Variants in OR10Z1 observed in about 807,000 individuals in gnomAD.
OR10Z1 encodes the protein olfactory receptor family 10 subfamily Z member 1.
For synonymous variants in OR10Z1, 187 were observed against 151.2 expected, an observed-to-expected ratio of 1.24 and a Z score of -1.74; for missense variants, 468 against 371.0, an observed-to-expected ratio of 1.26 and a Z score of -2.15.
rs1272963346 is a variant in OR10Z1, at chr1:158,611,898, G to C, written c.*4518G>C. The stretch of plus-strand genomic sequence containing the variant: ...TTTGATTACCAAGTGGATCCCTAAA[G>C]ACTCCAATAAGTTAGCGTGTGGGTG... On this transcript the variant is annotated 3_prime_UTR_variant, in exon 2 of 2. Coordinates refer to ENST00000641002, the MANE Select transcript of OR10Z1 (RefSeq NM_001004478.2). The C allele has an allele frequency of 6.2e-6, 1 of 161,138 alleles. No homozygotes were observed. Among genetic ancestry groups the C allele is most frequent in the Non-Finnish European group, 1.4e-5 (1 of 73,988 alleles). 10.0% of individuals were successfully genotyped at this position (161,138 alleles called of 1,614,324 possible). A position where few individuals can be genotyped will look rare whatever the true frequency, so the allele number is the denominator to read the frequency against.
Position 158,610,434 on chromosome 1 carries a change from C to G in OR10Z1, c.*3054C>G, listed in dbSNP as rs1649184857. The G allele has an allele frequency of 6.6e-6, 1 of 152,120 alleles. No individual in the cohort carries two copies. Among genetic ancestry groups the G allele is most frequent in the Non-Finnish European group, 1.5e-5 (1 of 68,028 alleles). 9.4% of individuals were successfully genotyped at this position (152,120 alleles called of 1,614,324 possible). ...AAAATTTTTGAAGATAGCATCACCT[C>G]TTCTTTTTTTAAAATTAATTCTTAA... On this transcript the variant is annotated 3_prime_UTR_variant, in exon 2 of 2. Transcript: ENST00000641002.
Position 158,611,287 on chromosome 1 carries a change from T to A in OR10Z1, c.*3907T>A, listed in dbSNP as rs376198878. ...TATTAGTTGCCAAAGTAGGAATTGG[T>A]GAAGCCAACGTAGTCATAGCCAGAG... On this transcript the variant is annotated 3_prime_UTR_variant, in exon 2 of 2. Transcript: ENST00000641002. 30 of 1,613,700 alleles carry A rather than the reference T, an allele frequency of 1.9e-5. No individual in the cohort carries two copies. Among genetic ancestry groups the A allele is most frequent in the Non-Finnish European group, 2.5e-5 (30 of 1,179,812 alleles).
rs1649226062 is a variant in OR10Z1 at position 158,611,116 on chromosome 1, T to C, written c.*3736T>C. On this transcript the variant is annotated 3_prime_UTR_variant, in exon 2 of 2. Coordinates refer to ENST00000641002, the MANE Select transcript of OR10Z1 (RefSeq NM_001004478.2). ...TTAAGATCCTACAATAAATGTAATA[T>C]GCACACAAACACAAGCACACACACA... 1 of 1,001,326 alleles carries C rather than the reference T, an allele frequency of 1.0e-6. No homozygotes were observed. Among genetic ancestry groups the C allele is most frequent in the Non-Finnish European group, 1.5e-6 (1 of 679,454 alleles). 62.0% of individuals were successfully genotyped at this position (1,001,326 alleles called of 1,614,324 possible). A position where few individuals can be genotyped will look rare whatever the true frequency, so the allele number is the denominator to read the frequency against.
At position 158,611,807 on chromosome 1, in the gene OR10Z1, G is replaced by C. The variant is rs1649276096; in HGVS notation, c.*4427G>C. 5.3e-6 allele frequency: 1 copy of C among 189,584 alleles called. No homozygotes were observed. Among genetic ancestry groups the C allele is most frequent in the African/African-American group, 2.5e-5 (1 of 40,152 alleles). 11.7% of individuals were successfully genotyped at this position (189,584 alleles called of 1,614,324 possible). On this transcript the variant is annotated 3_prime_UTR_variant, in exon 2 of 2. Coordinates refer to ENST00000641002, the MANE Select transcript of OR10Z1 (RefSeq NM_001004478.2). Reference sequence around the variant, plus strand: ...TCACCAGTGGTTACACTGCCAGAAAGTGGTAGAGCTGGGACTTGAACCTAT... The same window carrying C: ...TCACCAGTGGTTACACTGCCAGAAACTGGTAGAGCTGGGACTTGAACCTAT...
rs1051684300 is a variant in OR10Z1, at chr1:158,609,839, A to G, written c.*2459A>G. On this transcript the variant is annotated 3_prime_UTR_variant, in exon 2 of 2. Transcript: ENST00000641002. Reference sequence around the variant, plus strand: ...GATTTAGGCCTTGAAAATTTTTGGCAGGGTTAGCATTGGGGGAATGGAATC... The same window carrying G: ...GATTTAGGCCTTGAAAATTTTTGGCGGGGTTAGCATTGGGGGAATGGAATC... 5 of 152,128 alleles carry G rather than the reference A, an allele frequency of 3.3e-5. No homozygotes were observed. Among genetic ancestry groups the G allele is most frequent in the Admixed American group, 2.6e-4 (4 of 15,262 alleles). The allele number at this position is 152,128 out of a possible 1,614,324, so 9.4% of individuals were successfully genotyped here. A position where few individuals can be genotyped will look rare whatever the true frequency, so the allele number is the denominator to read the frequency against.
chr1:158,607,503 C>G lies in OR10Z1; in HGVS notation c.*123C>G. On this transcript the variant is annotated 3_prime_UTR_variant, in exon 2 of 2. Transcript: ENST00000641002. ...TCCTACCCCCAATCTTCTGGGAAAG[C>G]CTTATCCTGCCTCTTGCCCTTCCCC... The G allele has an allele frequency of 7.2e-6, 5 of 696,864 alleles. No homozygotes were observed. Among genetic ancestry groups the G allele is most frequent in the Non-Finnish European group, 1.2e-5 (5 of 418,188 alleles). The allele number at this position is 696,864 out of a possible 1,614,324, so 43.2% of individuals were successfully genotyped here.
Position 158,611,189 on chromosome 1 carries a change from T to G in OR10Z1, c.*3809T>G. On this transcript the variant is annotated 3_prime_UTR_variant, in exon 2 of 2. Coordinates refer to ENST00000641002, the MANE Select transcript of OR10Z1 (RefSeq NM_001004478.2). ...CACGAGGCCATCTTTATCTTCCACA[T>G]TTGCCTGTACTCTTTGCCCCCCAGT... 1 of 1,521,106 alleles carries G rather than the reference T, an allele frequency of 6.6e-7. No homozygotes were observed. The highest frequency in any genetic ancestry group is 2.4e-5 in the East Asian group (1 of 42,206). 94.2% of individuals were successfully genotyped at this position (1,521,106 alleles called of 1,614,324 possible).
chr1:158,610,721 T>C lies in OR10Z1; in HGVS notation c.*3341T>C, dbSNP rs1649198972. ...TATTCATGTTCCCCAGAAAATCAAATATCTTTATTTTCAAATTTAAATTTA... is the reference window on the plus strand; with the variant it reads ...TATTCATGTTCCCCAGAAAATCAAACATCTTTATTTTCAAATTTAAATTTA... On this transcript the variant is annotated 3_prime_UTR_variant, in exon 2 of 2. Coordinates refer to ENST00000641002, the MANE Select transcript of OR10Z1 (RefSeq NM_001004478.2). The C allele has an allele frequency of 6.5e-6, 1 of 152,706 alleles. No homozygotes were observed. Among genetic ancestry groups the C allele is most frequent in the African/African-American group, 2.4e-5 (1 of 41,450 alleles). 9.5% of individuals were successfully genotyped at this position (152,706 alleles called of 1,614,324 possible).
Position 158,611,617 on chromosome 1 carries a change from A to G in OR10Z1, c.*4237A>G, listed in dbSNP as rs1649267900. On this transcript the variant is annotated 3_prime_UTR_variant, in exon 2 of 2. Coordinates refer to ENST00000641002, the MANE Select transcript of OR10Z1 (RefSeq NM_001004478.2). ...AAAAGAGAGCTTACTCACTTTGATT[A>G]TTCTGTAAATCTCATTCCCTAAAGT... 4.3e-6 allele frequency: 2 copies of G among 460,698 alleles called. No individual in the cohort carries two copies. Among genetic ancestry groups the G allele is most frequent in the East Asian group, 8.3e-5 (2 of 23,958 alleles). The allele number at this position is 460,698 out of a possible 1,614,324, so 28.5% of individuals were successfully genotyped here. A position where few individuals can be genotyped will look rare whatever the true frequency, so the allele number is the denominator to read the frequency against.
chr1:158,606,431 C>T lies in OR10Z1; in HGVS notation c.-8C>T, dbSNP rs1015948581. 1.8e-5 allele frequency: 29 copies of T among 1,589,676 alleles called. No individual in the cohort carries two copies. In the African/African-American group the frequency reaches 2.0e-4, roughly 11 times the overall value. On this transcript the variant is annotated 5_prime_UTR_variant, in exon 2 of 2. Coordinates refer to ENST00000641002, the MANE Select transcript of OR10Z1 (RefSeq NM_001004478.2). ...ATCAACAAATCTATCAGGGATATAC[C>T]TCTCAGAATGGGGCAGACCAACGTA...
rs1242128250 is a variant in OR10Z1 at position 158,606,748 on chromosome 1, T to A, written c.310T>A (p.Ser104Thr). 1 of 1,614,098 alleles carries A rather than the reference T, an allele frequency of 6.2e-7. No individual in the cohort carries two copies. Among genetic ancestry groups the A allele is most frequent in the East Asian group, 2.2e-5 (1 of 44,874 alleles). Residue 104 changes from serine to threonine, a missense_variant, in exon 2 of 2, where the codon TCT becomes ACT. Transcript: ENST00000641002. ...GGGCTGTGCTGCCCAGATGTTCTTT[T>A]CTGCCTCATGGGCCTGTACTAACTG... The part of the protein sequence containing the change: ...YVGCAAQMFF[S>T]ASWACTNCFL...
rs1649138332 is a variant in OR10Z1, at chr1:158,609,137, G to A, written c.*1757G>A. The stretch of plus-strand genomic sequence containing the variant: ...GAGAAGGTAGAATTCACAGGATTTG[G>A]CAGTGAGATAGAAGTGGGGCATGGC... On this transcript the variant is annotated 3_prime_UTR_variant, in exon 2 of 2. Transcript: ENST00000641002. The A allele has an allele frequency of 6.6e-6, 1 of 152,184 alleles. No individual in the cohort carries two copies. The highest frequency in any genetic ancestry group is 1.5e-5 in the Non-Finnish European group (1 of 68,036). The allele number at this position is 152,184 out of a possible 1,614,324, so 9.4% of individuals were successfully genotyped here.
chr1:158,611,785 C>T lies in OR10Z1; in HGVS notation c.*4405C>T. ...ATACTCAAGAAGGTAGAATAACTCA[C>T]CAGTGGTTACACTGCCAGAAAGTGG... On this transcript the variant is annotated 3_prime_UTR_variant, in exon 2 of 2. Coordinates refer to ENST00000641002, the MANE Select transcript of OR10Z1 (RefSeq NM_001004478.2). 4.8e-6 allele frequency: 1 copy of T among 209,722 alleles called. No individual in the cohort carries two copies. The highest frequency in any genetic ancestry group is 9.6e-6 in the Non-Finnish European group (1 of 103,852). The allele number at this position is 209,722 out of a possible 1,614,324, so 13.0% of individuals were successfully genotyped here.
In OR10Z1 at chr1:158,606,770, A is replaced by C; in HGVS notation, c.332A>C (p.Asn111Thr). 3.1e-6 allele frequency: 5 copies of C among 1,613,818 alleles called. No individual in the cohort carries two copies. The highest frequency in any genetic ancestry group is 4.2e-6 in the Non-Finnish European group (5 of 1,179,916). The change falls in exon 2 of 2, where the codon AAC becomes ACC. Residue 111 changes from asparagine to threonine, a missense_variant. Asn to Thr is a moderately conservative substitution (Grantham distance 65, BLOSUM62 0). Coordinates refer to ENST00000641002, the MANE Select transcript of OR10Z1 (RefSeq NM_001004478.2). Reference protein sequence around the residue: ...MFFSASWACTNCFLLAAMGFD... With the variant: ...MFFSASWACTTCFLLAAMGFD... ...TTTTCTGCCTCATGGGCCTGTACTA[A>C]CTGCTTCCTTCTGGCTGCCATGGGC...
rs1409403601 is a variant in OR10Z1 at position 158,607,920 on chromosome 1, T to C, written c.*540T>C. Reference sequence around the variant, plus strand: ...GTCATTTTTACTCCCACTGGGTGTCTTTCATCTTTTTATGTTTTTATTTTT... The same window carrying C: ...GTCATTTTTACTCCCACTGGGTGTCCTTCATCTTTTTATGTTTTTATTTTT... On this transcript the variant is annotated 3_prime_UTR_variant, in exon 2 of 2. Transcript: ENST00000641002. The C allele has an allele frequency of 6.6e-6, 1 of 152,390 alleles. No individual in the cohort carries two copies. Among genetic ancestry groups the C allele is most frequent in the Middle Eastern group, 3.2e-3 (1 of 316 alleles). The allele number at this position is 152,390 out of a possible 1,614,324, so 9.4% of individuals were successfully genotyped here. A position where few individuals can be genotyped will look rare whatever the true frequency, so the allele number is the denominator to read the frequency against.
Position 158,606,351 on chromosome 1 carries a change from A to G in OR10Z1, c.-88A>G. 1.3e-6 allele frequency: 1 copy of G among 797,562 alleles called. No homozygotes were observed. The highest frequency in any genetic ancestry group is 1.7e-5 in the South Asian group (1 of 57,802). 49.4% of individuals were successfully genotyped at this position (797,562 alleles called of 1,614,324 possible). A position where few individuals can be genotyped will look rare whatever the true frequency, so the allele number is the denominator to read the frequency against. ...TTGCAACAGGAACAAGAGAAAAAGAATCCATATCATCCACCTTTTAAAGAA... is the reference window on the plus strand; with the variant it reads ...TTGCAACAGGAACAAGAGAAAAAGAGTCCATATCATCCACCTTTTAAAGAA... On this transcript the variant is annotated 5_prime_UTR_variant, in exon 2 of 2. Transcript: ENST00000641002.
In OR10Z1 at chr1:158,611,017, T is replaced by C. The variant is rs907886894; in HGVS notation, c.*3637T>C. ...TAGAAACTTTGACACCCCTCAGCAGTGACTAGTTGCATACAAAATAGCTTC... is the reference window on the plus strand; with the variant it reads ...TAGAAACTTTGACACCCCTCAGCAGCGACTAGTTGCATACAAAATAGCTTC... On this transcript the variant is annotated 3_prime_UTR_variant, in exon 2 of 2. Transcript: ENST00000641002. 2 of 497,694 alleles carry C rather than the reference T, an allele frequency of 4.0e-6. No homozygotes were observed. The highest frequency in any genetic ancestry group is 3.9e-5 in the African/African-American group (2 of 51,296). The allele number at this position is 497,694 out of a possible 1,614,324, so 30.8% of individuals were successfully genotyped here.
Position 158,606,508 on chromosome 1 carries a change from C to A in OR10Z1, c.70C>A (p.Gln24Lys), listed in dbSNP as rs760268503. ...GGGCTTCTCCAGTTCTGGGGAGTTG[C>A]AGCTCCTTCTCTTTGCCTTGTTCCT... ...FLGFSSSGEL[Q>K]LLLFALFLSL... The change falls in exon 2 of 2, where the codon CAG becomes AAG. Residue 24 changes from glutamine (Q) to lysine (K), a missense_variant. By Grantham distance (53) the Gln-to-Lys change is moderately conservative. Coordinates refer to ENST00000641002, the MANE Select transcript of OR10Z1 (RefSeq NM_001004478.2). The A allele has an allele frequency of 6.2e-6, 10 of 1,613,846 alleles. No individual in the cohort carries two copies. The highest frequency in any genetic ancestry group is 8.5e-6 in the Non-Finnish European group (10 of 1,179,906).
At position 158,607,112 on chromosome 1, in the gene OR10Z1, T is replaced by TA. The variant is rs1178452781; in HGVS notation, c.675dup (p.Leu226ThrfsTer7). 3 of 1,613,842 alleles carry TA rather than the reference T, an allele frequency of 1.9e-6. No homozygotes were observed. Among genetic ancestry groups the TA allele is most frequent in the Non-Finnish European group, 1.7e-6 (2 of 1,179,948 alleles). ...TCCTACGCCTACATCTTGGCAGCAA[T>TA]ACTGAGGATCCCCTCTGCTGAGGGG... On this transcript the variant is annotated frameshift_variant, in exon 2 of 2. Transcript: ENST00000641002. LOFTEE classifies it low-confidence loss of function (END_TRUNC).
Sources: allele counts gnomAD v4.1 joint callset, GRCh38; gene constraint gnomAD v4.1.1; transcripts MANE v1.5; gene names NCBI Gene and HGNC (gene_info 2026-07-23, HGNC 2026-07-21).